MUC20: variants seen among roughly 807,000 people sequenced by gnomAD.
MUC20 encodes mucin-20.
Under a neutral mutation model 23.8 loss-of-function variants are expected in MUC20, and 14 were observed. That is an observed-to-expected ratio of 0.59 (90% confidence interval 0.39 to 0.92). MUC20 has a LOEUF of 0.92. Ranked by LOEUF, MUC20 falls within the 40% of genes least tolerant of loss-of-function variation. The probability of loss-of-function intolerance (pLI) is 0.00; values close to 1 mark genes in which losing one functional copy is unlikely to be tolerated. For synonymous variants in MUC20, 166 were observed against 279.3 expected (o/e 0.59, Z 4.04); for missense variants, 375 against 668.8 (o/e 0.56, Z 4.85).
At chr3:195,727,646 T>C (rs1230345193) in intron 2 of MUC20, among the ~76,000 whole-genome samples, 1 of 152,290 alleles carries the variant, frequency 6.6e-6, no homozygotes, top group Non-Finnish European at 1.5e-5. Flanking sequence ...AAGATATTAT[T>C]GAATATCTTT....
intron 3 of MUC20, among the ~76,000 whole-genome samples, chr3:195,730,606 T>C (rs1713293674): frequency 6.6e-6 from 1 of 152,112 alleles, no homozygotes; most frequent in South Asian, 2.1e-4. Flanking sequence ...CGTCTTGGCC[T>C]CCCAAAGTGC....
chr3:195,733,055 A>C, intron 3 of MUC20, 95 bp from the exon 4 acceptor site: 1 of 1,365,482 alleles, frequency 7.3e-7, no homozygotes, highest in Non-Finnish European at 1.0e-6. Flanking sequence ...CGTCCTCCGC[A>C]TGCACTCTGC....
In MUC20 at chr3:195,726,098, C is replaced by T; in HGVS notation, c.1495C>T (p.Pro499Ser). 3 of 1,610,472 alleles carry T rather than the reference C, an allele frequency of 1.9e-6. No individual in the cohort carries two copies. The highest frequency in any genetic ancestry group is 2.5e-6 in the Non-Finnish European group (3 of 1,177,032). ...TGCACCTGATGCCACGGTTGGGACC[C>T]CACTCCCCACTAACAGCGCCACAGA... ...SAAPDATVGTPLPTNSATERE... is the reference protein window; with the variant it reads ...SAAPDATVGTSLPTNSATERE... The change falls in exon 2 of 4, where the codon CCA becomes TCA. Residue 499 changes from proline to serine, a missense_variant. Transcript: ENST00000447234.
intron 3 of MUC20, among the ~76,000 whole-genome samples, chr3:195,732,205 T>A (rs1311659267): frequency 6.6e-6 from 1 of 152,118 alleles, no homozygotes. Context: ...AGTTTCAGGT[T>A]TCAGCATCTT....
intron 2 of MUC20, among the ~76,000 whole-genome samples, chr3:195,726,785 G>A (rs562372208): frequency 2.6e-5 from 4 of 152,376 alleles, no homozygotes; most frequent in African/African-American, 7.2e-5. Context: ...ATGGAAGTCC[G>A]GAGAAATGGT....
intron 3 of MUC20, chr3:195,730,099 C>CAAAAAAAAAAAAAAAA (rs4036961): frequency 1.1e-5 from 1 of 92,994 alleles, no homozygotes; most frequent in Non-Finnish European, 2.1e-5. Flanking sequence ...GCAGTTTATG[C>CAAAAAAAAAAAAAAAA]AAAAAAAAAA....
chr3:195,728,648 T>C (rs1226154493), intron 2 of MUC20, among the ~76,000 whole-genome samples: 1 of 152,012 alleles, frequency 6.6e-6, no homozygotes, highest in Non-Finnish European at 1.5e-5. Context: ...GGAGATCCTC[T>C]TTTACTAATC....
intron 3 of MUC20, among the ~76,000 whole-genome samples, chr3:195,730,720 G>A (rs1251854332): frequency 6.6e-6 from 1 of 152,210 alleles, no homozygotes; most frequent in Non-Finnish European, 1.5e-5. Context: ...CACCATGACT[G>A]ACAACCCAGT....
At chr3:195,727,200 G>C in intron 2 of MUC20, among the ~76,000 whole-genome samples, 1 of 152,388 alleles carries the variant, frequency 6.6e-6, no homozygotes, top group East Asian at 1.9e-4. Context: ...AGGAGTTCGA[G>C]ACCAGGCTGA....
rs200951705 is a variant in MUC20 at position 195,726,465 on chromosome 3, C to T, written c.1862C>T (p.Thr621Met). ...PPTTTNSSRG[T>M]NSTLAKITTS... ...ACTACAACCAACAGCAGCCGAGGGA[C>T]GAACAGCACCTTAGCCAAGATCACA... The change falls in exon 2 of 4, where the codon ACG becomes ATG. Residue 621 changes from threonine (T) to methionine (M), a missense_variant. Thr to Met is a moderately conservative substitution (Grantham distance 81). This residue lies in a region of MUC20 where 343 missense variants were observed against 340.2 expected (regional missense o/e 1.01). Transcript: ENST00000447234. 98 of 1,614,050 alleles carry T rather than the reference C, an allele frequency of 6.1e-5. 1 individual carries two copies. Among genetic ancestry groups the T allele is most frequent in the African/African-American group, 5.1e-4 (38 of 75,066 alleles).
intron 3 of MUC20, among the ~76,000 whole-genome samples, chr3:195,731,553 C>G (rs949080521): frequency 2.0e-5 from 3 of 152,262 alleles, no homozygotes; most frequent in Admixed American, 1.3e-4. Flanking sequence ...GAGGTCCAGA[C>G]AGTGGGATCA....
chr3:195,732,846 C>CT (rs1276008304), intron 3 of MUC20, among the ~76,000 whole-genome samples: 1 of 152,282 alleles, frequency 6.6e-6, no homozygotes, highest in African/African-American at 2.4e-5. Context: ...AGACAATGAG[C>CT]TTAGGAACCA....
Position 195,733,174 on chromosome 3 carries a change from G to C in MUC20, c.2086G>C (p.Ala696Pro). 1.3e-6 allele frequency: 2 copies of C among 1,595,112 alleles called. No homozygotes were observed. Among genetic ancestry groups the C allele is most frequent in the Non-Finnish European group, 1.7e-6 (2 of 1,171,736 alleles). Residue 696 changes from alanine (A) to proline (P), a missense_variant, in exon 4 of 4, where the codon GCG (alanine) becomes CCG (proline). Around this residue, in one of 4 missense-constraint regions of MUC20, gnomAD observed 343 missense variants for 340.2 expected, o/e 1.01. Transcript: ENST00000447234. ...GCTCCACCGGGAACTCCACGCCCAC[G>C]CGCCTCACTTCCAGGTCTCCTTACT... ...QQLHRELHAH[A>P]PHFQVSLLRV...
chr3:195,733,516 T>C lies in MUC20; in HGVS notation c.*298T>C, dbSNP rs1713615111. On this transcript the variant is annotated 3_prime_UTR_variant, in exon 4 of 4. Coordinates refer to ENST00000447234, the MANE Select transcript of MUC20 (RefSeq NM_001282506.2). ...GAGACCTGATCACCCATCTGTGTGC[T>C]TCCATCCTGCATTAAAATTCACTCA... 1 of 1,348,570 alleles carries C rather than the reference T, an allele frequency of 7.4e-7. No homozygotes were observed. The highest frequency in any genetic ancestry group is 1.5e-5 in the African/African-American group (1 of 68,510). 83.5% of individuals were successfully genotyped at this position (1,348,570 alleles called of 1,614,324 possible). A position where few individuals can be genotyped will look rare whatever the true frequency, so the allele number is the denominator to read the frequency against.
Position 195,726,013 on chromosome 3 carries a change from C to A in MUC20, c.1410C>A (p.His470Gln). The A allele has an allele frequency of 6.2e-7, 1 of 1,614,046 alleles. No individual in the cohort carries two copies. The highest frequency in any genetic ancestry group is 2.2e-5 in the East Asian group (1 of 44,882). Residue 470 changes from histidine (H) to glutamine (Q), a missense_variant, in exon 2 of 4, where the codon CAC (histidine) becomes CAA (glutamine). His to Gln is a conservative substitution (Grantham distance 24). Coordinates refer to ENST00000447234, the MANE Select transcript of MUC20 (RefSeq NM_001282506.2). ...ALPDSTEAKP[H>Q]ITEVTASAET... ...CTGACTCCACTGAAGCAAAACCACA[C>A]ATCACTGAGGTCACAGCCTCTGCCG...
chr3:195,733,131 T>C lies in MUC20; in HGVS notation c.2062-19T>C. The C allele has an allele frequency of 1.3e-6, 2 of 1,575,668 alleles. No homozygotes were observed. Among genetic ancestry groups the C allele is most frequent in the Non-Finnish European group, 1.7e-6 (2 of 1,161,476 alleles). ...GGGCCAGATGGGCTGAAAGGACAGC[T>C]GGCTCTTTTGCTCTCCAGCTCCACC... On this transcript the variant is annotated intron_variant, in intron 3 of 3. Transcript: ENST00000447234.
In MUC20 at chr3:195,729,698, G is replaced by T. The variant is rs1713162025; in HGVS notation, c.2020G>T (p.Asp674Tyr). 2 of 1,597,378 alleles carry T rather than the reference G, an allele frequency of 1.3e-6. No homozygotes were observed. Among genetic ancestry groups the T allele is most frequent in the Non-Finnish European group, 1.7e-6 (2 of 1,171,452 alleles). The change falls in exon 3 of 4, where the codon GAC (aspartate) becomes TAC (tyrosine). Residue 674 changes from aspartate to tyrosine, a missense_variant. This residue lies in a region of MUC20 where 343 missense variants were observed against 340.2 expected (regional missense o/e 1.01). Coordinates refer to ENST00000447234, the MANE Select transcript of MUC20 (RefSeq NM_001282506.2). The stretch of plus-strand genomic sequence containing the variant: ...GCGGCTGAGTGTGGCTTCCCCGGAA[G>T]ACCTCACTGACCCCAGAGTGGCAGA... ...LLRLSVASPEDLTDPRVAERL... is the reference protein window; with the variant it reads ...LLRLSVASPEYLTDPRVAERL...
chr3:195,722,646 C>A (rs1248716577), intron 1 of MUC20: 1 of 984,716 alleles, frequency 1.0e-6, no homozygotes, highest in Non-Finnish European at 1.2e-6. Flanking sequence ...GAAAGGACAC[C>A]CCGGGGCTCC....
chr3:195,728,627 C>T (rs1375100160), intron 2 of MUC20, among the ~76,000 whole-genome samples: 6 of 151,930 alleles, frequency 3.9e-5, no homozygotes, highest in African/African-American at 1.5e-4. Flanking sequence ...TCCTCTATCT[C>T]AACTGCAAGA....
Sources: allele counts gnomAD v4.1 joint callset (sites outside exome capture counted in the v4.1 genomes callset), GRCh38; gene constraint gnomAD v4.1.1; regional missense constraint gnomAD v4.1.1; transcripts MANE v1.5; gene names NCBI Gene and HGNC (gene_info 2026-07-23, HGNC 2026-07-21).